Variants in TEKT5 observed in about 807,000 individuals in gnomAD.
The protein encoded by TEKT5 is tektin 5.
TEKT5 carries 52 observed loss-of-function variants against 48.7 expected under a neutral mutation model. That is an observed-to-expected ratio of 1.07 (90% CI 0.86 to 1.35). The LOEUF is 1.35. TEKT5 is among the 40% of genes most tolerant of loss of function. The probability of loss-of-function intolerance (pLI) is 0.00; values close to 1 mark genes in which losing one functional copy is unlikely to be tolerated. For synonymous variants in TEKT5, 318 were observed against 267.6 expected (o/e 1.19, Z -1.84); for missense variants, 831 against 641.6 (o/e 1.30, Z -3.19).
intron 6 of TEKT5, among the ~76,000 whole-genome samples, chr16:10,630,345 C>T (rs1272896355): frequency 6.6e-6 from 1 of 152,046 alleles, no homozygotes; most frequent in African/African-American, 2.4e-5. Context: ...AAGAGATCCT[C>T]CTGTCTCAGC....
chr16:10,685,509 C>T (rs1475632830), intron 3 of TEKT5, among the ~76,000 whole-genome samples: 1 of 152,124 alleles, frequency 6.6e-6, no homozygotes, highest in Non-Finnish European at 1.5e-5. Context: ...TTTGGCCAGA[C>T]TGGTCTCGAA....
intron 5 of TEKT5, among the ~76,000 whole-genome samples, chr16:10,644,708 C>G (rs1567226365): frequency 6.6e-6 from 1 of 152,214 alleles, no homozygotes; most frequent in Non-Finnish European, 1.5e-5. Context: ...TCACACTGTT[C>G]TCCTATCGCC....
At position 10,636,272 on chromosome 16, in the gene TEKT5, G is replaced by T. The variant is rs199565846; in HGVS notation, c.1087-354C>A. Reference sequence around the variant, plus strand: ...CGCCTGTAATCCCAGCTACTCGGGGGACCGAGGCAGGAGAATCGCTTGAAC... The same window carrying T: ...CGCCTGTAATCCCAGCTACTCGGGGTACCGAGGCAGGAGAATCGCTTGAAC... On this transcript the variant is annotated intron_variant, in intron 5 of 6. Coordinates refer to ENST00000283025, the MANE Select transcript of TEKT5 (RefSeq NM_144674.2). Among the ~76,000 whole-genome samples, 20 of 152,172 alleles carry T rather than the reference G, an allele frequency of 1.3e-4. No homozygotes were observed. The East Asian group carries it at 3.3e-3, about 25-fold the overall frequency.
chr16:10,629,766 C>A (rs2142253022), intron 6 of TEKT5, among the ~76,000 whole-genome samples: 1 of 28,108 alleles, frequency 3.6e-5, no homozygotes, highest in Middle Eastern at 0.012. Context: ...CGGCCACAGA[C>A]AATGGCTTGG....
In TEKT5 at chr16:10,673,807, T is replaced by C. The variant is rs1898593013; in HGVS notation, c.1086+2152A>G. ...CTGGAATTACAGGTGCATGCCACTA[T>C]GCCCAGCTGATTTTTTGTATTTTTA... On this transcript the variant is annotated intron_variant, in intron 5 of 6. Transcript: ENST00000283025. Among the ~76,000 whole-genome samples, 3 of 151,962 alleles carry C rather than the reference T, an allele frequency of 2.0e-5. No homozygotes were observed. In the South Asian group the frequency reaches 6.2e-4, roughly 32 times the overall value.
chr16:10,632,515 C>A (rs188257765), intron 6 of TEKT5, among the ~76,000 whole-genome samples: 1 of 151,998 alleles, frequency 6.6e-6, no homozygotes, highest in African/African-American at 2.4e-5. Flanking sequence ...AGGCTCATCT[C>A]GAACTCCTGG....
At position 10,635,772 on chromosome 16, in the gene TEKT5, C is replaced by A. The variant is rs373300492; in HGVS notation, c.1233G>T (p.Pro411=). 2.5e-6 allele frequency: 4 copies of A among 1,611,798 alleles called. No individual in the cohort carries two copies. Among genetic ancestry groups the A allele is most frequent in the South Asian group, 2.2e-5 (2 of 90,914 alleles). Reference sequence around the variant, plus strand: ...TGGCCTCCCTCACTTACTTCAACTGCGGGATGTCCCTGCACAGCTCCATGT... The same window carrying A: ...TGGCCTCCCTCACTTACTTCAACTGAGGGATGTCCCTGCACAGCTCCATGT... ...RPNMELCRDI[P]QLKLVNEVFT... Residue 411 remains proline (P), a synonymous_variant, in exon 6 of 7, where the codon CCG becomes CCT. Transcript: ENST00000283025.
At chr16:10,644,177 G>A (rs559471026) in intron 5 of TEKT5, among the ~76,000 whole-genome samples, 4 of 152,294 alleles carry the variant, frequency 2.6e-5, no homozygotes, top group African/African-American at 4.8e-5. Flanking sequence ...CCTGCTGAGC[G>A]TTTTTCAGTT....
At chr16:10,633,557 C>G (rs1293912534) in intron 6 of TEKT5, among the ~76,000 whole-genome samples, 1 of 152,040 alleles carries the variant, frequency 6.6e-6, no homozygotes, top group Non-Finnish European at 1.5e-5. Context: ...AAGCCAGCAG[C>G]AGGTCTGCTG....
chr16:10,665,261 C>A (rs1263692484), intron 5 of TEKT5, among the ~76,000 whole-genome samples: 1 of 152,172 alleles, frequency 6.6e-6, no homozygotes, highest in East Asian at 1.9e-4. Context: ...CGGGAGATGA[C>A]ACCGCAACCC....
chr16:10,686,433 G>C (rs1374200575), intron 3 of TEKT5, among the ~76,000 whole-genome samples: 2 of 151,340 alleles, frequency 1.3e-5, no homozygotes, highest in Non-Finnish European at 2.9e-5. Context: ...CTCCAGCCTG[G>C]GTGACAGAGG....
At chr16:10,675,878 T>G in intron 5 of TEKT5, 81 bp downstream of exon 5, 1 of 1,435,388 alleles carries the variant, frequency 7.0e-7, no homozygotes, top group Non-Finnish European at 9.7e-7. Flanking sequence ...AGGGCCAGCT[T>G]GGCCCAGATA....
chr16:10,631,083 T>TATACACAC (rs768698257), intron 6 of TEKT5, among the ~76,000 whole-genome samples: 6 of 148,628 alleles, frequency 4.0e-5, no homozygotes, highest in African/African-American at 1.5e-4. Flanking sequence ...TATATATATA[T>TATACACAC]ACACACACAC....
chr16:10,663,420 T>C (rs1316419050), intron 5 of TEKT5, among the ~76,000 whole-genome samples: 1 of 152,202 alleles, frequency 6.6e-6, no homozygotes. Context: ...TTTTCCAAAT[T>C]GCATGAAGCC....
intron 3 of TEKT5, among the ~76,000 whole-genome samples, chr16:10,684,827 C>T (rs954415075): frequency 4.6e-5 from 7 of 152,180 alleles, no homozygotes; most frequent in Non-Finnish European, 5.9e-5. Flanking sequence ...AAAGACCAAA[C>T]GTGGCTCCTT....
At chr16:10,663,611 G>C (rs1054437794) in intron 5 of TEKT5, among the ~76,000 whole-genome samples, 1 of 152,180 alleles carries the variant, frequency 6.6e-6, no homozygotes, top group African/African-American at 2.4e-5. Context: ...GGGATTCAGA[G>C]CATGAACGCC....
intron 5 of TEKT5, among the ~76,000 whole-genome samples, chr16:10,670,552 C>G (rs1170937269): frequency 6.6e-6 from 1 of 152,138 alleles, no homozygotes; most frequent in Non-Finnish European, 1.5e-5. Flanking sequence ...ATCCTCTAGC[C>G]AAAGTAAACT....
At chr16:10,653,181 G>A (rs1388794934) in intron 5 of TEKT5, among the ~76,000 whole-genome samples, 1 of 152,234 alleles carries the variant, frequency 6.6e-6, no homozygotes, top group East Asian at 1.9e-4. Context: ...ATTGGCTCAG[G>A]GGGTCACCCC....
rs1364893704 is a variant in TEKT5 at position 10,676,036 on chromosome 16, CTG to C, written c.1007_1008del (p.Thr336ArgfsTer12). The C allele has an allele frequency of 6.2e-7, 1 of 1,614,236 alleles. No individual in the cohort carries two copies. Among genetic ancestry groups the C allele is most frequent in the Non-Finnish European group, 8.5e-7 (1 of 1,180,048 alleles). ...CGGGCGTTGAAGGCCAGGTTGGTGT[CTG>C]TGAACTGCCTCCACATCTGATCCGA... Reference protein sequence around the residue: ...TLSDQMWRQFTDTNLAFNARI... With the variant: ...TLSDQMWRQFXDTNLAFNARI... On this transcript the variant is annotated frameshift_variant, in exon 5 of 7. Coordinates refer to ENST00000283025, the MANE Select transcript of TEKT5 (RefSeq NM_144674.2). LOFTEE classifies it high-confidence loss of function.
Sources: gnomAD v4.1 joint callset for allele counts (sites outside exome capture counted in the v4.1 genomes callset) on GRCh38, gnomAD v4.1.1 for gene constraint, MANE v1.5 for transcripts, NCBI Gene and HGNC (gene_info 2026-07-23, HGNC 2026-07-21) for gene names.